OR6C74: variants seen among roughly 807,000 people sequenced by gnomAD.
OR6C74 encodes the protein olfactory receptor family 6 subfamily C member 74, also known as olfactory receptor 6C74.
For missense variants in OR6C74, 361 were observed against 362.9 expected (o/e 0.99, Z 0.04); for synonymous variants, 142 against 134.2 (o/e 1.06, Z -0.40).
In OR6C74 at chr12:55,256,355, T is replaced by A. The variant is rs774456463; in HGVS notation, c.*8129T>A. 3.9e-5 allele frequency among the ~76,000 whole-genome samples: 6 copies of A among 152,058 alleles called. No homozygotes were observed. The highest frequency in any genetic ancestry group is 2.1e-4 in the South Asian group (1 of 4,826). On this transcript the variant is annotated 3_prime_UTR_variant, in exon 2 of 2. Transcript: ENST00000343399. ...TCTAGGCCTCTTTGGGGGTAAGGCATACTCCCTTCTGATATTTTCCGGTCT... is the reference window on the plus strand; with the variant it reads ...TCTAGGCCTCTTTGGGGGTAAGGCAAACTCCCTTCTGATATTTTCCGGTCT...
In OR6C74 at chr12:55,256,090, T is replaced by C. The variant is rs530540906; in HGVS notation, c.*7864T>C. On this transcript the variant is annotated 3_prime_UTR_variant, in exon 2 of 2. Coordinates refer to ENST00000343399, the MANE Select transcript of OR6C74 (RefSeq NM_001005490.2). ...AGGATTGTGTAAAGACAATGCCAGG[T>C]TGGACTGCCAGAATGAGCCAACAGC... Among the ~76,000 whole-genome samples, 1 of 152,012 alleles carries C rather than the reference T, an allele frequency of 6.6e-6. No homozygotes were observed. Among genetic ancestry groups the C allele is most frequent in the Non-Finnish European group, 1.5e-5 (1 of 67,978 alleles).
chr12:55,244,633 G>C lies in OR6C74; in HGVS notation c.-194G>C, dbSNP rs1954259500. ...CCTCGTATAGACTAGAAACACCTCA[G>C]CGTGAACAACAAGCTAGAAACCTTC... On this transcript the variant is annotated 5_prime_UTR_variant, in exon 1 of 2. Coordinates refer to ENST00000343399, the MANE Select transcript of OR6C74 (RefSeq NM_001005490.2). Among the ~76,000 whole-genome samples, 2 of 152,044 alleles carry C rather than the reference G, an allele frequency of 1.3e-5. No homozygotes were observed. Among genetic ancestry groups the C allele is most frequent in the South Asian group, 4.1e-4 (2 of 4,834 alleles).
At position 55,248,287 on chromosome 12, in the gene OR6C74, G is replaced by A. The variant is rs12318251; in HGVS notation, c.*61G>A. The A allele has an allele frequency of 0.05, 53,515 of 1,079,564 alleles. 4,299 individuals are homozygous for A. Among genetic ancestry groups the A allele is most frequent in the African/African-American group, 0.32 (20,013 of 61,768 alleles). 66.9% of individuals were successfully genotyped at this position (1,079,564 alleles called of 1,614,324 possible). ...ATAAAACAAGAAGAGTGGAGTATGT[G>A]CAAAGTTTTTCAATGTTTGTATTCA... On this transcript the variant is annotated 3_prime_UTR_variant, in exon 2 of 2. Transcript: ENST00000343399.
At position 55,252,479 on chromosome 12, in the gene OR6C74, T is replaced by C. The variant is rs1954317699; in HGVS notation, c.*4253T>C. ...TTGATTTTGCATTTTTATGTAATTT[T>C]CTAAAAGCACACAAATGTTTTAAAA... On this transcript the variant is annotated 3_prime_UTR_variant, in exon 2 of 2. Transcript: ENST00000343399. Among the ~76,000 whole-genome samples, 1 of 151,990 alleles carries C rather than the reference T, an allele frequency of 6.6e-6. No individual in the cohort carries two copies. Among genetic ancestry groups the C allele is most frequent in the African/African-American group, 2.4e-5 (1 of 41,432 alleles).
chr12:55,246,820 G>C (rs1954272862), intron 1 of OR6C74, among the ~76,000 whole-genome samples: 1 of 151,864 alleles, frequency 6.6e-6, no homozygotes, highest in South Asian at 2.1e-4. Flanking sequence ...GATCTTAAAA[G>C]ACAGAGTTCT....
chr12:55,248,758 A>G lies in OR6C74; in HGVS notation c.*532A>G, dbSNP rs1202919063. 6.6e-6 allele frequency among the ~76,000 whole-genome samples: 1 copy of G among 152,234 alleles called. No homozygotes were observed. Among genetic ancestry groups the G allele is most frequent in the Admixed American group, 6.5e-5 (1 of 15,272 alleles). On this transcript the variant is annotated 3_prime_UTR_variant, in exon 2 of 2. Coordinates refer to ENST00000343399, the MANE Select transcript of OR6C74 (RefSeq NM_001005490.2). ...ATTTTTTTTAACCAGGCTTAGAGATATAGTATACTCTCAGAAATAAATGAA... is the reference window on the plus strand; with the variant it reads ...ATTTTTTTTAACCAGGCTTAGAGATGTAGTATACTCTCAGAAATAAATGAA...
rs780551980 is a variant in OR6C74, at chr12:55,247,509, C to T, written c.222C>T (p.Val74=). Residue 74 remains valine (V), a synonymous_variant, in exon 2 of 2, where the codon GTC becomes GTT. Coordinates refer to ENST00000343399, the MANE Select transcript of OR6C74 (RefSeq NM_001005490.2). ...TTTTAGAAGTCTCATTCACAACTGT[C>T]TACATTCCCAAATTTCTTGTTAGTA... ...FSFLEVSFTT[V]YIPKFLVSMA... is the part of the protein sequence containing the mutation. 6.2e-7 allele frequency: 1 copy of T among 1,613,382 alleles called. No individual in the cohort carries two copies. The highest frequency in any genetic ancestry group is 8.5e-7 in the Non-Finnish European group (1 of 1,179,676).
rs572009525 is a variant in OR6C74 at position 55,253,082 on chromosome 12, C to T, written c.*4856C>T. ...TGCTGGCCTGTGGAATAAATGATGG[C>T]AAAGGGCTAGAGTACAAAGGTATAC... On this transcript the variant is annotated 3_prime_UTR_variant, in exon 2 of 2. Transcript: ENST00000343399. Among the ~76,000 whole-genome samples the T allele has an allele frequency of 6.6e-6, 1 of 152,024 alleles. No homozygotes were observed. The highest frequency in any genetic ancestry group is 2.1e-4 in the South Asian group (1 of 4,820).
At chr12:55,245,611 G>T (rs1423052691) in intron 1 of OR6C74, among the ~76,000 whole-genome samples, 2 of 152,050 alleles carry the variant, frequency 1.3e-5, no homozygotes, top group East Asian at 3.9e-4. Flanking sequence ...GCATTTTATT[G>T]TGGTATTCAG....
chr12:55,248,843 C>A lies in OR6C74; in HGVS notation c.*617C>A, dbSNP rs947635316. 2.0e-5 allele frequency among the ~76,000 whole-genome samples: 3 copies of A among 152,178 alleles called. No individual in the cohort carries two copies. The highest frequency in any genetic ancestry group is 2.0e-4 in the Admixed American group (3 of 15,270). ...TGCAGCTATCATATAGAACTTACAG[C>A]TAGCATTTATTGATTGCTTACAATG... On this transcript the variant is annotated 3_prime_UTR_variant, in exon 2 of 2. Coordinates refer to ENST00000343399, the MANE Select transcript of OR6C74 (RefSeq NM_001005490.2).
At chr12:55,245,285 A>C (rs1331460753) in intron 1 of OR6C74, among the ~76,000 whole-genome samples, 1 of 152,146 alleles carries the variant, frequency 6.6e-6, no homozygotes, top group Non-Finnish European at 1.5e-5. Flanking sequence ...ATACAATTGA[A>C]TCTCAGGAAT....
Position 55,250,965 on chromosome 12 carries a change from C to G in OR6C74, c.*2739C>G, listed in dbSNP as rs887973428. ...CTGCCTTTGATCTCTAACTCATCCT[C>G]CACATTGCTAGTAGGATACTTTCTA... On this transcript the variant is annotated 3_prime_UTR_variant, in exon 2 of 2. Coordinates refer to ENST00000343399, the MANE Select transcript of OR6C74 (RefSeq NM_001005490.2). 6.6e-6 allele frequency among the ~76,000 whole-genome samples: 1 copy of G among 152,058 alleles called. No individual in the cohort carries two copies. The highest frequency in any genetic ancestry group is 1.5e-5 in the Non-Finnish European group (1 of 67,978).
rs1398317683 is a variant in OR6C74 at position 55,248,317 on chromosome 12, T to C, written c.*91T>C. 4 of 747,210 alleles carry C rather than the reference T, an allele frequency of 5.4e-6. No individual in the cohort carries two copies. The highest frequency in any genetic ancestry group is 3.5e-5 in the African/African-American group (2 of 56,340). The allele number at this position is 747,210 out of a possible 1,614,324, so 46.3% of individuals were successfully genotyped here. A position where few individuals can be genotyped will look rare whatever the true frequency, so the allele number is the denominator to read the frequency against. ...GTTTTTCAATGTTTGTATTCAATAATATTACCTCTTTTTTGACTTATAATT... is the reference window on the plus strand; with the variant it reads ...GTTTTTCAATGTTTGTATTCAATAACATTACCTCTTTTTTGACTTATAATT... On this transcript the variant is annotated 3_prime_UTR_variant, in exon 2 of 2. Coordinates refer to ENST00000343399, the MANE Select transcript of OR6C74 (RefSeq NM_001005490.2).
intron 1 of OR6C74, among the ~76,000 whole-genome samples, chr12:55,245,196 A>G (rs1196725789): frequency 6.6e-6 from 1 of 152,098 alleles, no homozygotes; most frequent in Non-Finnish European, 1.5e-5. Flanking sequence ...GTTGTACTGA[A>G]AAAATTAAGT....
Position 55,253,369 on chromosome 12 carries a change from C to T in OR6C74, c.*5143C>T, listed in dbSNP as rs1954323607. On this transcript the variant is annotated 3_prime_UTR_variant, in exon 2 of 2. Coordinates refer to ENST00000343399, the MANE Select transcript of OR6C74 (RefSeq NM_001005490.2). ...TGGGTATGTGGATTAAGTCACCACT[C>T]CTGCATCTTTGTTTTTTAAGTCTTT... 6.6e-6 allele frequency among the ~76,000 whole-genome samples: 1 copy of T among 151,996 alleles called. No individual in the cohort carries two copies. The highest frequency in any genetic ancestry group is 1.5e-5 in the Non-Finnish European group (1 of 67,952).
rs1212962663 is a variant in OR6C74, at chr12:55,252,146, T to C, written c.*3920T>C. Among the ~76,000 whole-genome samples the C allele has an allele frequency of 6.6e-6, 1 of 151,698 alleles. No individual in the cohort carries two copies. The highest frequency in any genetic ancestry group is 1.5e-5 in the Non-Finnish European group (1 of 67,776). ...ATTATACAAAATGATCAATATATTT[T>C]AATAATATAACTTTACAGTATAACT... is the stretch of plus-strand genomic sequence containing the variant. On this transcript the variant is annotated 3_prime_UTR_variant, in exon 2 of 2. Coordinates refer to ENST00000343399, the MANE Select transcript of OR6C74 (RefSeq NM_001005490.2).
chr12:55,252,595 G>A lies in OR6C74; in HGVS notation c.*4369G>A, dbSNP rs377335834. ...TAAATAATTTCCAGTAACAAAAATC[G>A]TGGAAAGAATTTCAAACAGTCAATT... On this transcript the variant is annotated 3_prime_UTR_variant, in exon 2 of 2. Coordinates refer to ENST00000343399, the MANE Select transcript of OR6C74 (RefSeq NM_001005490.2). Among the ~76,000 whole-genome samples, 5 of 151,752 alleles carry A rather than the reference G, an allele frequency of 3.3e-5. No individual in the cohort carries two copies. Among genetic ancestry groups the A allele is most frequent in the South Asian group, 4.2e-4 (2 of 4,818 alleles).
In OR6C74 at chr12:55,256,232, G is replaced by A. The variant is rs568811247; in HGVS notation, c.*8006G>A. ...ATGTTCATAGCTCTGGGAATGGAAT[G>A]GGACCCTTGTGTAGAGCCTATAAAT... On this transcript the variant is annotated 3_prime_UTR_variant, in exon 2 of 2. Coordinates refer to ENST00000343399, the MANE Select transcript of OR6C74 (RefSeq NM_001005490.2). Among the ~76,000 whole-genome samples, 4 of 152,180 alleles carry A rather than the reference G, an allele frequency of 2.6e-5. No individual in the cohort carries two copies. The highest frequency in any genetic ancestry group is 1.9e-4 in the East Asian group (1 of 5,164).
At position 55,255,075 on chromosome 12, in the gene OR6C74, C is replaced by A. The variant is rs951581804; in HGVS notation, c.*6849C>A. On this transcript the variant is annotated 3_prime_UTR_variant, in exon 2 of 2. Coordinates refer to ENST00000343399, the MANE Select transcript of OR6C74 (RefSeq NM_001005490.2). ...ATCGAAATAATACCTCCCTCCAGGG[C>A]AGAAGGGAGATTTGCTTCCTGACTA... Among the ~76,000 whole-genome samples the A allele has an allele frequency of 1.3e-5, 2 of 152,028 alleles. No individual in the cohort carries two copies. The highest frequency in any genetic ancestry group is 4.8e-5 in the African/African-American group (2 of 41,410).
Sources: gnomAD v4.1 joint callset for allele counts (sites outside exome capture counted in the v4.1 genomes callset) on GRCh38, gnomAD v4.1.1 for gene constraint, MANE v1.5 for transcripts, NCBI Gene and HGNC (gene_info 2026-07-23, HGNC 2026-07-21) for gene names.